The following ITGAX variants were observed in gnomAD, a reference collection of about 807,000 sequenced individuals.
ITGAX encodes the protein integrin alpha-X.
ITGAX carries 99 observed loss-of-function variants against 140.2 expected under a neutral mutation model. The ratio of observed to expected loss-of-function variants is 0.71; its 90% CI spans 0.60 to 0.83. ITGAX has a LOEUF of 0.83. Among genes scored for constraint, ITGAX ranks in the 40% least tolerant of loss-of-function variants. The pLI, the probability that ITGAX is intolerant of heterozygous loss-of-function variation, is 0.00. For missense variants in ITGAX, 1,444 were observed against 1,482.0 expected (o/e 0.97, Z 0.42); for synonymous variants, 631 against 600.4 (o/e 1.05, Z -0.75).
In ITGAX at chr16:31,368,149, G is replaced by GTTT. The variant is rs59463705; in HGVS notation, c.1711-2923_1711-2921dup. The stretch of plus-strand genomic sequence containing the variant: ...CTTCTTACAGATGAGGAAAGAAAGT[G>GTTT]TTTTTTTTTTTTTTCAGATGGAATC... On this transcript the variant is annotated intron_variant, in intron 14 of 29. Transcript: ENST00000268296. Among the ~76,000 whole-genome samples the GTTT allele has an allele frequency of 4.1e-4, 59 of 142,948 alleles. 1 individual carries two copies. The highest frequency in any genetic ancestry group is 3.5e-3 in the Admixed American group (50 of 14,346). The allele number at this position is 142,948 out of a possible 152,430, so 93.8% of individuals were successfully genotyped here. A position where few individuals can be genotyped will look rare whatever the true frequency, so the allele number is the denominator to read the frequency against.
chr16:31,361,375 C>A, intron 9 of ITGAX, 162 bp downstream of exon 9: 1 of 834,632 alleles, frequency 1.2e-6, no homozygotes. Flanking sequence ...TGACGTCCCC[C>A]AGCACTGTCA....
At position 31,359,820 on chromosome 16, in the gene ITGAX, C is replaced by G; in HGVS notation, c.551C>G (p.Pro184Arg). The stretch of plus-strand genomic sequence containing the variant: ...GCTGTGATAAGCCAGTTCCAGAGAC[C>G]CAGCACCCAGGTGTGCCTTTGGGGG... ...VRAVISQFQR[P>R]STQFSLMQFS... The change falls in exon 6 of 30, where the codon CCC (proline) becomes CGC (arginine). Residue 184 changes from proline to arginine, a missense_variant. Coordinates refer to ENST00000268296, the MANE Select transcript of ITGAX (RefSeq NM_000887.5). 1 of 1,614,142 alleles carries G rather than the reference C, an allele frequency of 6.2e-7. No homozygotes were observed. The highest frequency in any genetic ancestry group is 8.5e-7 in the Non-Finnish European group (1 of 1,180,038).
At chr16:31,362,249 C>T (rs1340243574) in intron 11 of ITGAX, 45 bp downstream of exon 11, 1 of 1,611,336 alleles carries the variant, frequency 6.2e-7, no homozygotes, top group East Asian at 2.2e-5. Context: ...GATGCACTGC[C>T]CAGGGTGGGG....
At chr16:31,365,157 CT>C (rs2080880244) in intron 14 of ITGAX, among the ~76,000 whole-genome samples, 1 of 152,150 alleles carries the variant, frequency 6.6e-6, no homozygotes, top group Admixed American at 6.5e-5. Flanking sequence ...ACAGACAGAT[CT>C]GTAGAGACAG....
At chr16:31,355,650 T>A (rs1158444873) in intron 1 of ITGAX, among the ~76,000 whole-genome samples, 3 of 152,162 alleles carry the variant, frequency 2.0e-5, no homozygotes, top group Non-Finnish European at 4.4e-5. Context: ...TGGGGAAAGA[T>A]CCTTTTTAGA....
chr16:31,359,640 G>C (rs1356086376), intron 5 of ITGAX, 60 bp from the exon 6 acceptor site: 2 of 1,585,104 alleles, frequency 1.3e-6, no homozygotes, highest in East Asian at 4.5e-5. Flanking sequence ...GTGGCCAGGA[G>C]GCCACGGTCC....
chr16:31,368,082 T>C (rs540627425), intron 14 of ITGAX, among the ~76,000 whole-genome samples: 1 of 151,670 alleles, frequency 6.6e-6, no homozygotes, highest in East Asian at 1.9e-4. Context: ...GGAGCCTGAA[T>C]TGCTGCAGTC....
intron 14 of ITGAX, among the ~76,000 whole-genome samples, chr16:31,370,433 G>T (rs572540878): frequency 6.6e-6 from 1 of 152,102 alleles, no homozygotes; most frequent in South Asian, 2.1e-4. Context: ...ACCCCACCGC[G>T]GCTTTTTCTT....
At chr16:31,367,407 A>G (rs2080902714) in intron 14 of ITGAX, among the ~76,000 whole-genome samples, 1 of 152,260 alleles carries the variant, frequency 6.6e-6, no homozygotes, top group Non-Finnish European at 1.5e-5. Context: ...AAAGCTTCAA[A>G]GGACAAGTTG....
intron 28 of ITGAX, 97 bp downstream of exon 28, chr16:31,380,721 G>C: frequency 2.0e-6 from 3 of 1,481,372 alleles, no homozygotes; most frequent in Non-Finnish European, 2.8e-6. Context: ...CTTGGGGGAG[G>C]AGGGCGAAGG....
chr16:31,363,014 C>T lies in ITGAX; in HGVS notation c.1439C>T (p.Ala480Val). 6.2e-7 allele frequency: 1 copy of T among 1,612,118 alleles called. No individual in the cohort carries two copies. Among genetic ancestry groups the T allele is most frequent in the Non-Finnish European group, 8.5e-7 (1 of 1,179,818 alleles). The change falls in exon 13 of 30, where the codon GCC becomes GTC. Residue 480 changes from alanine to valine, a missense_variant. Physicochemically the swap from Ala to Val is moderately conservative, Grantham distance 64. Transcript: ENST00000268296. ...AGCACCGACCTGGTCCTCATCGGGG[C>T]CCCCCATTACTACGAGCAGACCCGA... ...DGSTDLVLIG[A>V]PHYYEQTRGG...
At chr16:31,361,402 G>T in intron 9 of ITGAX, 189 bp downstream of exon 9, 1 of 732,850 alleles carries the variant, frequency 1.4e-6, no homozygotes, top group South Asian at 1.7e-5. Flanking sequence ...CCCCAAAGTG[G>T]CCCCAGGGAT....
At chr16:31,371,035 C>A in intron 14 of ITGAX, 49 bp from the exon 15 acceptor site, 9 of 1,612,132 alleles carry the variant, frequency 5.6e-6, no homozygotes, top group Non-Finnish European at 7.6e-6. Context: ...TTATTTCCAA[C>A]TTCTTCCCCT....
At chr16:31,373,179 C>T (rs2080988441) in intron 19 of ITGAX, 70 bp from the exon 20 acceptor site, 1 of 1,147,156 alleles carries the variant, frequency 8.7e-7, no homozygotes, top group Admixed American at 2.1e-5. Flanking sequence ...CCACCCACCC[C>T]ATTTTATCCC....
intron 29 of ITGAX, 82 bp from the exon 30 acceptor site, chr16:31,381,721 G>A: frequency 1.2e-6 from 1 of 806,690 alleles, no homozygotes; most frequent in Admixed American, 1.9e-5. Flanking sequence ...TTCAGAAATA[G>A]TGACCCCTCT....
rs2080952528 is a variant in ITGAX at position 31,371,135 on chromosome 16, C to G, written c.1762C>G (p.Leu588Val). The G allele has an allele frequency of 6.2e-7, 1 of 1,614,130 alleles. No individual in the cohort carries two copies. The highest frequency in any genetic ancestry group is 8.5e-7 in the Non-Finnish European group (1 of 1,180,010). Residue 588 changes from leucine (L) to valine (V), a missense_variant, in exon 15 of 30, where the codon CTG (leucine) becomes GTG (valine). By Grantham distance (32) the Leu-to-Val change is conservative (BLOSUM62 1). Coordinates refer to ENST00000268296, the MANE Select transcript of ITGAX (RefSeq NM_000887.5). ...CAGGCTGCAGTATTTTGGGCAGGCA[C>G]TGAGCGGGGGTCAAGACCTCACCCA... is the stretch of plus-strand genomic sequence containing the variant. Reference protein sequence around the residue: ...SSRLQYFGQALSGGQDLTQDG... With the variant: ...SSRLQYFGQAVSGGQDLTQDG...
At chr16:31,366,221 C>T (rs1186773747) in intron 14 of ITGAX, among the ~76,000 whole-genome samples, 1 of 152,178 alleles carries the variant, frequency 6.6e-6, no homozygotes, top group Non-Finnish European at 1.5e-5. Context: ...GTAATTCTCA[C>T]AATGTTTCAA....
Position 31,380,388 on chromosome 16 carries a change from G to C in ITGAX, c.3174+9G>C, listed in dbSNP as rs2081057412. 6.2e-7 allele frequency: 1 copy of C among 1,613,486 alleles called. No individual in the cohort carries two copies. Among genetic ancestry groups the C allele is most frequent in the Non-Finnish European group, 8.5e-7 (1 of 1,179,746 alleles). On this transcript the variant is annotated intron_variant, in intron 27 of 29. Transcript: ENST00000268296. Reference sequence around the variant, plus strand: ...TTGGCTGGGTCCGCCAGGTGTGTGGGTGCAACGACAGAGCCCCTGCCCCAG... The same window carrying C: ...TTGGCTGGGTCCGCCAGGTGTGTGGCTGCAACGACAGAGCCCCTGCCCCAG...
At chr16:31,364,486 A>G (rs1368312920) in intron 14 of ITGAX, among the ~76,000 whole-genome samples, 1 of 151,820 alleles carries the variant, frequency 6.6e-6, no homozygotes. Context: ...ACGTTTCTCC[A>G]AAGAAGAGGT....
Sources: gnomAD v4.1 joint callset for allele counts (sites outside exome capture counted in the v4.1 genomes callset) on GRCh38, gnomAD v4.1.1 for gene constraint, MANE v1.5 for transcripts, NCBI Gene and HGNC (gene_info 2026-07-23, HGNC 2026-07-21) for gene names.